DSCAM: variants seen among roughly 807,000 people sequenced by gnomAD.
The protein encoded by DSCAM is DS cell adhesion molecule, also known as cell adhesion molecule DSCAM.
In DSCAM, 47 loss-of-function variants were observed where a neutral mutation model predicts 217.7. That is an observed-to-expected ratio of 0.22 (90% CI 0.17 to 0.28). The LOEUF (loss-of-function observed/expected upper bound fraction) is 0.28, where lower values mean the gene tolerates loss of function less well. Among genes scored for constraint, DSCAM ranks in the 10% least tolerant of loss-of-function variants. The probability of loss-of-function intolerance (pLI) is 1.00; values close to 1 mark genes in which losing one functional copy is unlikely to be tolerated. For synonymous variants in DSCAM, 1,056 were observed against 1,015.3 expected, an observed-to-expected ratio of 1.04 and a Z score of -0.76; for missense variants, 2,080 against 2,618.3, an observed-to-expected ratio of 0.79 and a Z score of 4.49.
intron 1 of DSCAM, among the ~76,000 whole-genome samples, chr21:40,729,364 G>A (rs2090989951): frequency 6.6e-6 from 1 of 152,158 alleles, no homozygotes; most frequent in Admixed American, 6.5e-5. Flanking sequence ...GAACAAAAAG[G>A]ACACACACAG....
chr21:40,091,636 T>C (rs756185532), intron 21 of DSCAM, among the ~76,000 whole-genome samples: 1 of 152,140 alleles, frequency 6.6e-6, no homozygotes, highest in Non-Finnish European at 1.5e-5. Context: ...GTTCTCATGC[T>C]GCTAATAAAG....
chr21:40,562,519 GCAT>G (rs993288639), intron 3 of DSCAM, among the ~76,000 whole-genome samples: 1 of 152,136 alleles, frequency 6.6e-6, no homozygotes, highest in Non-Finnish European at 1.5e-5. Context: ...AGAAAGCTCA[GCAT>G]CATGTTTACT....
chr21:40,157,254 C>T (rs979760380), intron 16 of DSCAM, among the ~76,000 whole-genome samples: 3 of 152,124 alleles, frequency 2.0e-5, no homozygotes, highest in Non-Finnish European at 4.4e-5. Context: ...CAGTTAAGAC[C>T]GAGACTGCAG....
At chr21:40,774,661 G>T (rs1199320331) in intron 1 of DSCAM, among the ~76,000 whole-genome samples, 1 of 151,894 alleles carries the variant, frequency 6.6e-6, no homozygotes, top group Non-Finnish European at 1.5e-5. Flanking sequence ...CTAAAGTTCT[G>T]TACAAATGGA....
chr21:40,376,830 A>G (rs1288533680), intron 3 of DSCAM, among the ~76,000 whole-genome samples: 5 of 151,876 alleles, frequency 3.3e-5, no homozygotes, highest in Non-Finnish European at 7.4e-5. Flanking sequence ...AAAGCTGCAT[A>G]TAAGAGAAAA....
chr21:40,707,164 G>A (rs1448472355), intron 2 of DSCAM, among the ~76,000 whole-genome samples: 1 of 152,226 alleles, frequency 6.6e-6, no homozygotes, highest in East Asian at 1.9e-4. Flanking sequence ...AGATGGAGCT[G>A]TTTGAAATTC....
chr21:40,154,014 G>A (rs1469284444), intron 16 of DSCAM, among the ~76,000 whole-genome samples: 1 of 152,138 alleles, frequency 6.6e-6, no homozygotes, highest in Non-Finnish European at 1.5e-5. Flanking sequence ...AGCACTAAAG[G>A]GATTCTGCTT....
Position 40,443,024 on chromosome 21 carries a change from C to T in DSCAM, c.509-73779G>A, listed in dbSNP as rs558619304. On this transcript the variant is annotated intron_variant, in intron 3 of 32. Coordinates refer to ENST00000400454, the MANE Select transcript of DSCAM (RefSeq NM_001389.5). ...TATAAAGTATTAGATGATAAGTTCC[C>T]GAGATGCAGAAATCACCACTACAGA... Among the ~76,000 whole-genome samples the T allele has an allele frequency of 1.9e-3, 289 of 152,210 alleles. 2 individuals carry two copies. The highest frequency in any genetic ancestry group is 5.6e-3 in the African/African-American group (233 of 41,512).
chr21:40,116,586 C>T (rs1192053589), intron 20 of DSCAM, among the ~76,000 whole-genome samples: 1 of 151,772 alleles, frequency 6.6e-6, no homozygotes, highest in African/African-American at 2.4e-5. Context: ...TGTAGAAGCA[C>T]TGCACAAAGG....
chr21:40,712,336 G>A lies in DSCAM; in HGVS notation c.44-3565C>T, dbSNP rs957147318. Among the ~76,000 whole-genome samples the A allele has an allele frequency of 7.2e-5, 11 of 151,892 alleles. No individual in the cohort carries two copies. The East Asian group carries it at 7.8e-4, about 11-fold the overall frequency. On this transcript the variant is annotated intron_variant, in intron 1 of 32. Coordinates refer to ENST00000400454, the MANE Select transcript of DSCAM (RefSeq NM_001389.5). ...AAATTAGCCGGGCACGGTGGCGGGC[G>A]CCTGTAGTCCCAGCTACTCGGGAGG...
At chr21:40,404,775 T>A (rs1342344490) in intron 3 of DSCAM, among the ~76,000 whole-genome samples, 1 of 152,188 alleles carries the variant, frequency 6.6e-6, no homozygotes, top group Non-Finnish European at 1.5e-5. Flanking sequence ...TGTGCTGTCA[T>A]CCTCTAGGAA....
chr21:40,518,377 TATATA>T lies in DSCAM; in HGVS notation c.509-149137_509-149133del, dbSNP rs1345741680. ...TTTGCCCATATATATATATAATATA[TATATA>T]ATATATTATATATATTATGTAATAT... is the stretch of plus-strand genomic sequence containing the variant. On this transcript the variant is annotated intron_variant, in intron 3 of 32. Transcript: ENST00000400454. 1.9e-3 allele frequency among the ~76,000 whole-genome samples: 15 copies of T among 7,912 alleles called. No homozygotes were observed. The East Asian group carries it at 0.035, about 18-fold the overall frequency. 5.2% of individuals were successfully genotyped at this position (7,912 alleles called of 152,430 possible).
intron 3 of DSCAM, among the ~76,000 whole-genome samples, chr21:40,418,488 A>T (rs1721978994): frequency 6.6e-6 from 1 of 152,198 alleles, no homozygotes; most frequent in Non-Finnish European, 1.5e-5. Flanking sequence ...GAGGGTGTTT[A>T]GGTTATGTGA....
chr21:40,739,832 G>A (rs996690636), intron 1 of DSCAM, among the ~76,000 whole-genome samples: 3 of 151,446 alleles, frequency 2.0e-5, no homozygotes, highest in Non-Finnish European at 4.4e-5. Context: ...ATTCTGGCAG[G>A]CAGTTCAGTG....
chr21:40,334,710 T>C (rs2074411624), intron 8 of DSCAM, among the ~76,000 whole-genome samples: 1 of 109,296 alleles, frequency 9.1e-6, no homozygotes, highest in Admixed American at 1.2e-4. Flanking sequence ...GGTGCAAATA[T>C]AGTGCACCAC....
intron 3 of DSCAM, among the ~76,000 whole-genome samples, chr21:40,437,776 G>A (rs567406091): frequency 1.3e-5 from 2 of 152,258 alleles, no homozygotes; most frequent in African/African-American, 4.8e-5. Context: ...CTGGAACCTG[G>A]GAGGCAGAGG....
chr21:40,767,403 C>T (rs1011008625), intron 1 of DSCAM, among the ~76,000 whole-genome samples: 3 of 152,154 alleles, frequency 2.0e-5, no homozygotes, highest in African/African-American at 4.8e-5. Context: ...CAGACAAGCA[C>T]GAAGCAGGTA....
At chr21:40,831,267 A>G (rs2092009862) in intron 1 of DSCAM, among the ~76,000 whole-genome samples, 1 of 151,754 alleles carries the variant, frequency 6.6e-6, no homozygotes, top group African/African-American at 2.4e-5. Flanking sequence ...ACTCAGTGTG[A>G]GAGAGTAATA....
rs116856434 is a variant in DSCAM at position 40,209,986 on chromosome 21, G to A, written c.2357-20748C>T. Reference sequence around the variant, plus strand: ...GTTTTCACAGCTTAAAAGTTAAGACGTTTTATAATCTTGCTGCAACCTATG... The same window carrying A: ...GTTTTCACAGCTTAAAAGTTAAGACATTTTATAATCTTGCTGCAACCTATG... On this transcript the variant is annotated intron_variant, in intron 11 of 32. Coordinates refer to ENST00000400454, the MANE Select transcript of DSCAM (RefSeq NM_001389.5). Among the ~76,000 whole-genome samples, 74 of 152,254 alleles carry A rather than the reference G, an allele frequency of 4.9e-4. No homozygotes were observed. In the East Asian group the frequency reaches 7.5e-3, roughly 15 times the overall value.
Sources: allele counts gnomAD v4.1 joint callset (sites outside exome capture counted in the v4.1 genomes callset), GRCh38; gene constraint gnomAD v4.1.1; transcripts MANE v1.5; gene names NCBI Gene and HGNC (gene_info 2026-07-23, HGNC 2026-07-21).